The following MAP2 variants were observed in gnomAD, a reference collection of about 807,000 sequenced individuals.
MAP2 encodes microtubule associated protein 2.
Under a neutral mutation model 137.6 loss-of-function variants are expected in MAP2, and 14 were observed. That is an observed-to-expected ratio of 0.10 (90% CI 0.07 to 0.16). The LOEUF is 0.16. Among genes scored for constraint, MAP2 ranks in the 10% least tolerant of loss-of-function variants. MAP2 has a pLI of 1.00. For missense variants in MAP2, 2,088 were observed against 2,191.5 expected, an observed-to-expected ratio of 0.95 and a Z score of 0.94; for synonymous variants, 786 against 782.3, an observed-to-expected ratio of 1.00 and a Z score of -0.08.
At chr2:209,582,036 G>A (rs987138940) in intron 3 of MAP2, among the ~76,000 whole-genome samples, 3 of 152,030 alleles carry the variant, frequency 2.0e-5, no homozygotes, top group Non-Finnish European at 4.4e-5. Context: ...ATATTGTGGT[G>A]AGTTAATTCC....
In MAP2 at chr2:209,730,461, T is replaced by C. The variant is rs2075636872; in HGVS notation, c.*64T>C. 8.9e-7 allele frequency: 1 copy of C among 1,125,882 alleles called. No individual in the cohort carries two copies. Among genetic ancestry groups the C allele is most frequent in the African/African-American group, 1.5e-5 (1 of 64,986 alleles). The allele number at this position is 1,125,882 out of a possible 1,614,324, so 69.7% of individuals were successfully genotyped here. On this transcript the variant is annotated 3_prime_UTR_variant, in exon 16 of 16. Transcript: ENST00000682079. ...ATGAGCTCTTGGCAGGAGTGGGCTC[T>C]GAGCAGTTGTTATATTCATTCTTTA...
At chr2:209,512,743 G>A (rs1330796356) in intron 2 of MAP2, among the ~76,000 whole-genome samples, 1 of 152,058 alleles carries the variant, frequency 6.6e-6, no homozygotes, top group Non-Finnish European at 1.5e-5. Context: ...CTAAGCTCAA[G>A]TGATTCTCCT....
chr2:209,566,434 A>G (rs1354900582), intron 2 of MAP2, among the ~76,000 whole-genome samples: 1 of 152,212 alleles, frequency 6.6e-6, no homozygotes, highest in Non-Finnish European at 1.5e-5. Flanking sequence ...GCTATTGAGT[A>G]AGATCTTTCA....
intron 3 of MAP2, among the ~76,000 whole-genome samples, chr2:209,592,768 C>A (rs1380442573): frequency 2.6e-4 from 40 of 152,046 alleles, no homozygotes; most frequent in Admixed American, 2.6e-3. Context: ...TTTCATTTAA[C>A]CTATTTGGCA....
intron 4 of MAP2, among the ~76,000 whole-genome samples, chr2:209,643,226 T>G (rs952517739): frequency 5.9e-5 from 9 of 152,170 alleles, no homozygotes; most frequent in African/African-American, 2.2e-4. Context: ...TTCCAAGACT[T>G]TATTGTTTCT....
intron 1 of MAP2, among the ~76,000 whole-genome samples, chr2:209,485,876 T>G (rs1411797353): frequency 1.3e-5 from 2 of 152,206 alleles, no homozygotes; most frequent in Non-Finnish European, 2.9e-5. Context: ...AAATGTTCCC[T>G]TCTGAAAGGG....
At chr2:209,539,711 CTT>C (rs539231707) in intron 2 of MAP2, among the ~76,000 whole-genome samples, 3 of 150,010 alleles carry the variant, frequency 2.0e-5, no homozygotes, top group Admixed American at 2.0e-4. Flanking sequence ...TAACAATCTG[CTT>C]TTTTTTTATG....
chr2:209,470,238 A>T (rs75958823), intron 1 of MAP2, among the ~76,000 whole-genome samples: 1,692 of 152,286 alleles, frequency 0.011, 32 homozygotes, highest in African/African-American at 0.039. Context: ...GCGGGAGAAG[A>T]TCATTAGAAA....
At chr2:209,424,794 G>A (rs755264905) in intron 1 of MAP2, among the ~76,000 whole-genome samples, 37 of 152,106 alleles carry the variant, frequency 2.4e-4, no homozygotes, top group Non-Finnish European at 5.4e-4. Flanking sequence ...GGGAGAGGAG[G>A]ACTGATATTT....
chr2:209,504,715 C>T (rs1225626583), intron 1 of MAP2, among the ~76,000 whole-genome samples: 1 of 152,076 alleles, frequency 6.6e-6, no homozygotes, highest in Non-Finnish European at 1.5e-5. Flanking sequence ...AGCTTTCTGG[C>T]ATTAAGTACA....
At chr2:209,638,501 ACT>A (rs1266497873) in intron 4 of MAP2, among the ~76,000 whole-genome samples, 2 of 151,918 alleles carry the variant, frequency 1.3e-5, no homozygotes, top group African/African-American at 4.8e-5. Context: ...AAGAGAAATG[ACT>A]CTGCTTTATA....
At chr2:209,460,632 TTC>T (rs893278997) in intron 1 of MAP2, among the ~76,000 whole-genome samples, 1 of 151,794 alleles carries the variant, frequency 6.6e-6, no homozygotes, top group African/African-American at 2.4e-5. Flanking sequence ...CTTTATTTTT[TTC>T]TCTTTCTTTT....
chr2:209,516,589 T>C (rs34951382), intron 2 of MAP2, among the ~76,000 whole-genome samples: 34,225 of 152,058 alleles, frequency 0.23, 5,199 homozygotes, highest in African/African-American at 0.43. Flanking sequence ...ATTTCTTCCT[T>C]TAAAATTTAT....
chr2:209,722,489 A>G (rs1000019962), intron 13 of MAP2, among the ~76,000 whole-genome samples: 3 of 152,120 alleles, frequency 2.0e-5, no homozygotes, highest in African/African-American at 7.2e-5. Context: ...AAGAGGATAA[A>G]GTGTCCCCTA....
chr2:209,657,099 G>T (rs992385055), intron 5 of MAP2, among the ~76,000 whole-genome samples: 1 of 152,182 alleles, frequency 6.6e-6, no homozygotes, highest in Non-Finnish European at 1.5e-5. Context: ...TGCTGCAAAA[G>T]ATATGATTTT....
intron 2 of MAP2, among the ~76,000 whole-genome samples, chr2:209,563,243 G>C (rs1343283993): frequency 1.3e-5 from 2 of 152,130 alleles, no homozygotes; most frequent in African/African-American, 2.4e-5. Flanking sequence ...CTGTGTCCTA[G>C]TCTGATCATC....
chr2:209,694,314 G>T lies in MAP2; in HGVS notation c.2144G>T (p.Gly715Val). The T allele has an allele frequency of 6.2e-7, 1 of 1,614,090 alleles. No individual in the cohort carries two copies. Among genetic ancestry groups the T allele is most frequent in the South Asian group, 1.1e-5 (1 of 91,084 alleles). ...PMSCLDSIAL[G>V]FNFGRGHDLS... ...TCTTGCCTAGATTCCATAGCCCTTG[G>T]ATTTAACTTTGGTCGGGGACATGAT... Residue 715 changes from glycine to valine, a missense_variant, in exon 8 of 16, where the codon GGA (glycine) becomes GTA (valine). Around this residue, in one of 6 missense-constraint regions of MAP2, gnomAD observed 500 missense variants for 482.9 expected, o/e 1.04. Coordinates refer to ENST00000682079, the MANE Select transcript of MAP2 (RefSeq NM_001375505.1).
intron 2 of MAP2, among the ~76,000 whole-genome samples, chr2:209,534,471 G>C (rs2065652029): frequency 6.6e-6 from 1 of 152,108 alleles, no homozygotes; most frequent in South Asian, 2.1e-4. Context: ...GGAAACTGTT[G>C]TGTACGGGGG....
Position 209,600,043 on chromosome 2 carries a change from G to A in MAP2, c.-107+19943G>A, listed in dbSNP as rs149609744. 6.1e-3 allele frequency among the ~76,000 whole-genome samples: 927 copies of A among 152,190 alleles called. 6 individuals carry two copies. The highest frequency in any genetic ancestry group is 0.02 in the African/African-American group (835 of 41,510). ...CTTGATGTTGTTTTGAAACTGAATGGTAAAGTTTGATAAAGACAAAGCCTA... is the reference window on the plus strand; with the variant it reads ...CTTGATGTTGTTTTGAAACTGAATGATAAAGTTTGATAAAGACAAAGCCTA... On this transcript the variant is annotated intron_variant, in intron 3 of 15. Transcript: ENST00000682079.
Sources: gnomAD v4.1 joint callset for allele counts (sites outside exome capture counted in the v4.1 genomes callset) on GRCh38, gnomAD v4.1.1 for gene constraint, gnomAD v4.1.1 regional missense constraint, MANE v1.5 for transcripts, NCBI Gene and HGNC (gene_info 2026-07-23, HGNC 2026-07-21) for gene names.